Variants in SPIDR observed in about 807,000 individuals in gnomAD.
The protein encoded by SPIDR is scaffold protein involved in DNA repair.
A neutral mutation model predicts 104.6 loss-of-function variants in SPIDR; 93 were observed. The ratio of observed to expected loss-of-function variants is 0.89; its 90% CI spans 0.75 to 1.06. The LOEUF (loss-of-function observed/expected upper bound fraction) is 1.06. Among genes scored for constraint, SPIDR ranks in the 50% least tolerant of loss-of-function variants. The pLI is 0.00. For synonymous variants in SPIDR, 431 were observed against 416.9 expected (o/e 1.03, Z -0.41); for missense variants, 1,154 against 1,111.2 (o/e 1.04, Z -0.55).
chr8:47,402,531 G>A (rs372938589), intron 6 of SPIDR, among the ~76,000 whole-genome samples: 54 of 152,186 alleles, frequency 3.5e-4, no homozygotes, highest in African/African-American at 1.2e-3. Context: ...ATCACCACCA[G>A]TCCCACAGAA....
At chr8:47,593,335 G>T (rs1383703112) in intron 8 of SPIDR, among the ~76,000 whole-genome samples, 1 of 149,864 alleles carries the variant, frequency 6.7e-6, no homozygotes, top group Non-Finnish European at 1.5e-5. Context: ...TATTTTTTTA[G>T]TTCTGAAACT....
At chr8:47,620,919 A>G (rs2065064275) in intron 10 of SPIDR, among the ~76,000 whole-genome samples, 1 of 151,118 alleles carries the variant, frequency 6.6e-6, no homozygotes, top group South Asian at 2.1e-4. Context: ...TGCCTGGCCC[A>G]TTTAAACCAT....
Position 47,389,909 on chromosome 8 carries a change from A to G in SPIDR, c.526-6467A>G, listed in dbSNP as rs138144023. On this transcript the variant is annotated intron_variant, in intron 5 of 19. Transcript: ENST00000297423. ...ACAATTTTCTGACCACCTTCTCTCT[A>G]TGGAACACATAGATCCAGATGATTG... Among the ~76,000 whole-genome samples the G allele has an allele frequency of 2.6e-4, 39 of 152,184 alleles. No individual in the cohort carries two copies. The East Asian group carries it at 4.8e-3, about 19-fold the overall frequency.
At chr8:47,554,747 C>A (rs2091102405) in intron 8 of SPIDR, among the ~76,000 whole-genome samples, 1 of 152,158 alleles carries the variant, frequency 6.6e-6, no homozygotes, top group South Asian at 2.1e-4. Context: ...TTGTGGGCTG[C>A]ACCCACTGTC....
intron 8 of SPIDR, among the ~76,000 whole-genome samples, chr8:47,513,900 T>C (rs2082731025): frequency 6.6e-6 from 1 of 152,186 alleles, no homozygotes; most frequent in South Asian, 2.1e-4. Context: ...CAGGTTGTTT[T>C]TGCTATAGTC....
At chr8:47,415,909 C>T (rs547515423) in intron 7 of SPIDR, among the ~76,000 whole-genome samples, 1 of 152,148 alleles carries the variant, frequency 6.6e-6, no homozygotes, top group South Asian at 2.1e-4. Context: ...CATCTCTTTC[C>T]CACTCTCCTC....
intron 19 of SPIDR, chr8:47,732,108 C>G: frequency 2.8e-6 from 2 of 702,326 alleles, no homozygotes; most frequent in South Asian, 1.5e-5. Context: ...GACACCCGTT[C>G]CAATCCCCAC....
chr8:47,322,079 G>A (rs546662431), intron 5 of SPIDR, among the ~76,000 whole-genome samples: 155 of 152,288 alleles, frequency 1.0e-3, no homozygotes, highest in African/African-American at 3.5e-3. Flanking sequence ...GGCAACGAAA[G>A]CCAAAATTGA....
chr8:47,576,109 C>A (rs1004713610), intron 8 of SPIDR, among the ~76,000 whole-genome samples: 2 of 150,636 alleles, frequency 1.3e-5, no homozygotes, highest in Admixed American at 1.3e-4. Context: ...GAATAATAAA[C>A]ATTTTTTTGA....
chr8:47,353,131 A>T (rs1301286217), intron 5 of SPIDR, among the ~76,000 whole-genome samples: 1 of 149,228 alleles, frequency 6.7e-6, no homozygotes. Flanking sequence ...TTAAATTTTT[A>T]TTCAAAAAGT....
At chr8:47,567,381 G>A (rs1263633343) in intron 8 of SPIDR, among the ~76,000 whole-genome samples, 4 of 151,616 alleles carry the variant, frequency 2.6e-5, no homozygotes, top group African/African-American at 7.3e-5. Flanking sequence ...CACCACGCCC[G>A]GCTAATTTTG....
At chr8:47,288,616 A>G (rs2039318104) in intron 3 of SPIDR, among the ~76,000 whole-genome samples, 4 of 152,220 alleles carry the variant, frequency 2.6e-5, no homozygotes, top group South Asian at 2.1e-4. Context: ...TTTCAGATGC[A>G]TAATAATGAT....
intron 5 of SPIDR, among the ~76,000 whole-genome samples, chr8:47,310,333 C>CA (rs1166703089): frequency 0.094 from 5,095 of 54,172 alleles, 275 homozygotes; most frequent in Admixed American, 0.25. Context: ...GACTCCATCT[C>CA]AAAAAAAAAA....
rs535402129 is a variant in SPIDR, at chr8:47,625,227, A to G, written c.1544+26031A>G. On this transcript the variant is annotated intron_variant, in intron 10 of 19. Transcript: ENST00000297423. ...ACTCTCAATAAATTAGGTATTGATGAGACGTACCTCAAAATAATAAGAGCT... is the reference window on the plus strand; with the variant it reads ...ACTCTCAATAAATTAGGTATTGATGGGACGTACCTCAAAATAATAAGAGCT... Among the ~76,000 whole-genome samples, 570 of 152,332 alleles carry G rather than the reference A, an allele frequency of 3.7e-3. 3 individuals are homozygous for G. The highest frequency in any genetic ancestry group is 0.022 in the South Asian group (107 of 4,830).
At chr8:47,396,996 CA>C (rs2061319284) in intron 6 of SPIDR, among the ~76,000 whole-genome samples, 1 of 151,322 alleles carries the variant, frequency 6.6e-6, no homozygotes, top group African/African-American at 2.4e-5. Context: ...CTTGCAAGTG[CA>C]AAAAAGTATG....
At chr8:47,677,143 C>G (rs1032131039) in intron 11 of SPIDR, among the ~76,000 whole-genome samples, 3 of 152,204 alleles carry the variant, frequency 2.0e-5, no homozygotes, top group Non-Finnish European at 4.4e-5. Flanking sequence ...CTCAATGACT[C>G]TCTACTAAGG....
At chr8:47,713,257 A>G (rs2082122556) in intron 15 of SPIDR, 1 of 617,850 alleles carries the variant, frequency 1.6e-6, no homozygotes, top group African/African-American at 1.8e-5. Context: ...CATAATTCAC[A>G]TGCCACATAA....
At chr8:47,462,922 T>C (rs1431006541) in intron 8 of SPIDR, among the ~76,000 whole-genome samples, 2 of 152,170 alleles carry the variant, frequency 1.3e-5, no homozygotes, top group African/African-American at 4.8e-5. Flanking sequence ...ATGAGAATCC[T>C]ATGAACAACT....
At chr8:47,306,493 A>T (rs1220879950) in intron 5 of SPIDR, among the ~76,000 whole-genome samples, 1 of 152,156 alleles carries the variant, frequency 6.6e-6, no homozygotes, top group Admixed American at 6.6e-5. Context: ...TGTTTATACC[A>T]CATTTTTTAC....
Sources: allele counts gnomAD v4.1 joint callset (sites outside exome capture counted in the v4.1 genomes callset), GRCh38; gene constraint gnomAD v4.1.1; transcripts MANE v1.5; gene names NCBI Gene and HGNC (gene_info 2026-07-23, HGNC 2026-07-21).